Variants in MYO9B observed in about 807,000 individuals in gnomAD.
The protein encoded by MYO9B is myosin IXB, also known as unconventional myosin-IXb.
In MYO9B, 71 loss-of-function variants were observed where a neutral mutation model predicts 229.5. The observed-to-expected ratio is 0.31, with a 90% CI of 0.26 to 0.38. The LOEUF (loss-of-function observed/expected upper bound fraction) is 0.38, where lower values mean the gene tolerates loss of function less well. Ranked by LOEUF, MYO9B falls within the 10% of genes least tolerant of loss-of-function variation. The probability of loss-of-function intolerance (pLI) is 1.00; values close to 1 mark genes in which losing one functional copy is unlikely to be tolerated. For missense variants in MYO9B, 2,255 were observed against 2,920.5 expected (o/e 0.77, Z 5.25); for synonymous variants, 1,185 against 1,235.8 (o/e 0.96, Z 0.86).
chr19:17,081,572 G>A (rs1237101546), intron 1 of MYO9B, among the ~76,000 whole-genome samples: 9 of 152,018 alleles, frequency 5.9e-5, no homozygotes, highest in Non-Finnish European at 1.3e-4. Flanking sequence ...ACTTTGGGAG[G>A]CCGAGGTGGG....
chr19:17,126,246 C>T (rs112635827), intron 2 of MYO9B, among the ~76,000 whole-genome samples: 3 of 152,332 alleles, frequency 2.0e-5, no homozygotes, highest in African/African-American at 7.2e-5. Context: ...TCACCCAGCC[C>T]TCCTTGGGCA....
Position 17,202,036 on chromosome 19 carries a change from C to A in MYO9B, c.4662+12C>A. On this transcript the variant is annotated intron_variant, in intron 27 of 39. Transcript: ENST00000682292. ...TGTACTCTGTCCCGGTATGTGGCGG[C>A]CCGGCCTTCAGCCTTTCCCATACCC... The A allele has an allele frequency of 6.2e-7, 1 of 1,611,918 alleles. No homozygotes were observed. Among genetic ancestry groups the A allele is most frequent in the South Asian group, 1.1e-5 (1 of 90,722 alleles).
intron 2 of MYO9B, among the ~76,000 whole-genome samples, chr19:17,127,767 C>T (rs567130091): frequency 9.3e-4 from 141 of 152,350 alleles, no homozygotes; most frequent in African/African-American, 3.2e-3. Context: ...CACCCATGCC[C>T]CTACCTGTTT....
intron 2 of MYO9B, among the ~76,000 whole-genome samples, chr19:17,126,917 A>ACCCCCC (rs1353940765): frequency 3.7e-4 from 12 of 32,690 alleles, no homozygotes; most frequent in South Asian, 1.3e-3. Context: ...CCCCACCCCC[A>ACCCCCC]CCCCCACCCC....
chr19:17,170,668 A>C (rs951787405), intron 11 of MYO9B, among the ~76,000 whole-genome samples: 1 of 128,760 alleles, frequency 7.8e-6, no homozygotes, highest in African/African-American at 3.1e-5. Context: ...AAAAAAAAAA[A>C]AAAAAACTAG....
intron 3 of MYO9B, among the ~76,000 whole-genome samples, chr19:17,151,095 C>T (rs1369526875): frequency 6.6e-6 from 1 of 152,028 alleles, no homozygotes; most frequent in Non-Finnish European, 1.5e-5. Context: ...GCCTTGCCAA[C>T]ATGGTGAAAC....
chr19:17,107,619 G>A (rs928751005), intron 2 of MYO9B, among the ~76,000 whole-genome samples: 1 of 152,186 alleles, frequency 6.6e-6, no homozygotes, highest in Non-Finnish European at 1.5e-5. Flanking sequence ...CTCCCTCCCG[G>A]CTCTGGGGGA....
intron 1 of MYO9B, chr19:17,095,978 T>G (rs908448751): frequency 1.3e-5 from 2 of 152,126 alleles, no homozygotes; most frequent in African/African-American, 4.8e-5. Context: ...TTCACCGTGT[T>G]AGCCGGAATG....
rs748481095 is a variant in MYO9B at position 17,172,813 on chromosome 19, C to T, written c.1990C>T (p.Arg664Trp). Residue 664 changes from arginine to tryptophan, a missense_variant, in exon 13 of 40, where the codon CGG (arginine) becomes TGG (tryptophan). By Grantham distance (101) the Arg-to-Trp change is moderately radical. Coordinates refer to ENST00000682292, the MANE Select transcript of MYO9B (RefSeq NM_004145.4). This position sits in a 1 kb window ranked among gnomAD's most constrained non-coding sequence, Gnocchi z 8.2. ...YMRPDIVALL[R>W]GSDSSYVREL... The stretch of plus-strand genomic sequence containing the variant: ...GCGGCCAGACATCGTGGCCCTGCTG[C>T]GGGGCAGTGACAGCTCCTACGTGCG... 1.9e-6 allele frequency: 3 copies of T among 1,612,994 alleles called. No individual in the cohort carries two copies. The highest frequency in any genetic ancestry group is 1.6e-4 in the Middle Eastern group (1 of 6,062).
chr19:17,211,471 G>A (rs1415678188), intron 38 of MYO9B, among the ~76,000 whole-genome samples, 176 bp from the exon 39 acceptor site: 1 of 151,914 alleles, frequency 6.6e-6, no homozygotes, highest in Non-Finnish European at 1.5e-5. Context: ...AACAGGGTCC[G>A]CCTATGTTGC....
At chr19:17,200,483 A>G (rs1568299468) in intron 25 of MYO9B, 57 bp downstream of exon 25, 1 of 1,531,652 alleles carries the variant, frequency 6.5e-7, no homozygotes, top group Non-Finnish European at 8.8e-7. Context: ...CCCTGGGGAC[A>G]TTCACTGTCC....
chr19:17,145,951 G>A (rs1386467501), intron 3 of MYO9B, among the ~76,000 whole-genome samples: 1 of 149,970 alleles, frequency 6.7e-6, no homozygotes, highest in Admixed American at 6.6e-5. Context: ...TGGATGGATG[G>A]ATGATGGATG....
intron 2 of MYO9B, among the ~76,000 whole-genome samples, chr19:17,105,998 C>T (rs1025878487): frequency 1.3e-5 from 2 of 150,234 alleles, no homozygotes; most frequent in Non-Finnish European, 3.0e-5. Flanking sequence ...CTCCCCTCTC[C>T]TCGCCTCTCC....
At chr19:17,187,692 G>A (rs2072934225) in intron 18 of MYO9B, among the ~76,000 whole-genome samples, 6 of 151,942 alleles carry the variant, frequency 3.9e-5, no homozygotes, top group Admixed American at 3.9e-4. Context: ...CAGAAAGAGT[G>A]TCTGGAGCAA....
intron 2 of MYO9B, among the ~76,000 whole-genome samples, chr19:17,117,667 G>A (rs1246579735): frequency 2.0e-5 from 3 of 152,142 alleles, no homozygotes; most frequent in African/African-American, 7.2e-5. Flanking sequence ...GCCCGATGCG[G>A]TGGCTCACGC....
intron 2 of MYO9B, among the ~76,000 whole-genome samples, chr19:17,118,776 C>G (rs938737131): frequency 5.9e-5 from 9 of 152,128 alleles, no homozygotes; most frequent in Admixed American, 2.6e-4. Context: ...CGTGAGCCAC[C>G]ATGCCGGGCC....
chr19:17,077,466 T>C (rs1483572040), intron 1 of MYO9B, among the ~76,000 whole-genome samples: 1 of 152,206 alleles, frequency 6.6e-6, no homozygotes, highest in Non-Finnish European at 1.5e-5. Flanking sequence ...AACATTGAAC[T>C]GTAGGCTTGC....
intron 2 of MYO9B, among the ~76,000 whole-genome samples, chr19:17,144,040 C>T (rs536358719): frequency 5.9e-5 from 9 of 152,208 alleles, no homozygotes; most frequent in South Asian, 2.1e-4. Flanking sequence ...AACAAACCTG[C>T]GTGTGTACCC....
rs143722402 is a variant in MYO9B, at chr19:17,194,662, G to A, written c.3235G>A (p.Gly1079Arg). The A allele has an allele frequency of 7.4e-5, 119 of 1,612,760 alleles. No homozygotes were observed. In the African/African-American group the frequency reaches 1.5e-3, roughly 20 times the overall value. The change falls in exon 22 of 40, where the codon GGA (glycine) becomes AGA (arginine). Residue 1079 changes from glycine to arginine, a missense_variant. Gly to Arg is a moderately radical substitution (Grantham distance 125). This residue lies in a region of MYO9B where 679 missense variants were observed against 770.2 expected (regional missense o/e 0.88). Transcript: ENST00000682292. ...AEEGGQGQAA[G>R]GQQVAEQGPE... ...GGAGGGCGGACAGGGTCAGGCGGCT[G>A]GAGGGCAGCAGGTAGCTGAGCAGGG...
Sources: gnomAD v4.1 joint callset for allele counts (sites outside exome capture counted in the v4.1 genomes callset) on GRCh38, gnomAD v4.1.1 for gene constraint, gnomAD v4.1.1 regional missense constraint, Gnocchi (gnomAD v3.1) non-coding constraint, MANE v1.5 for transcripts, NCBI Gene and HGNC (gene_info 2026-07-23, HGNC 2026-07-21) for gene names.